The following BIRC6 variants were observed in gnomAD, a reference collection of about 807,000 sequenced individuals.
BIRC6 encodes the protein dual E2 ubiquitin-conjugating enzyme/E3 ubiquitin-protein ligase BIRC6.
BIRC6 carries 98 observed loss-of-function variants against 503.3 expected under a neutral mutation model. The ratio of observed to expected loss-of-function variants is 0.19; its 90% CI spans 0.17 to 0.23. The LOEUF is 0.23. Ranked by LOEUF, BIRC6 falls within the 10% of genes least tolerant of loss-of-function variation. The pLI is 1.00. For synonymous variants in BIRC6, 2,240 were observed against 2,078.7 expected (o/e 1.08, Z -2.11); for missense variants, 5,360 against 5,806.0 (o/e 0.92, Z 2.50).
At position 32,531,549 on chromosome 2, in the gene BIRC6, C is replaced by G. The variant is rs781080839; in HGVS notation, c.12289C>G (p.Gln4097Glu). 3 of 1,607,330 alleles carry G rather than the reference C, an allele frequency of 1.9e-6. No homozygotes were observed. The East Asian group carries it at 6.7e-5, about 36-fold the overall frequency. ...CATGCTATATCCAGAAGTAATTCAA[C>G]AGGTAAGATAAGATTTCCTAATCGA... is the stretch of plus-strand genomic sequence containing the variant. ...LPMLYPEVIQ[Q>E]VSAPVVTSTT... is the part of the protein sequence containing the mutation. Residue 4097 changes from glutamine to glutamate, a missense_variant and splice_region_variant, in exon 61 of 74, where the codon CAG (glutamine) becomes GAG (glutamate). By Grantham distance (29) the Gln-to-Glu change is conservative (BLOSUM62 2). Coordinates refer to ENST00000421745, the MANE Select transcript of BIRC6 (RefSeq NM_016252.4).
rs766899020 is a variant in BIRC6, at chr2:32,607,521, C to A, written c.14137C>A (p.Arg4713=). ...TTATTTTAATGAACCGGGATATGAA[C>A]GGTCTAGAGGCACTCCCAGTGGCAC... ...EPYFNEPGYE[R]SRGTPSGTQS... The change falls in exon 72 of 74, where the codon CGG becomes AGG. Residue 4713 remains arginine, a synonymous_variant. Coordinates refer to ENST00000421745, the MANE Select transcript of BIRC6 (RefSeq NM_016252.4). 1.4e-5 allele frequency: 22 copies of A among 1,612,128 alleles called. No homozygotes were observed. Among genetic ancestry groups the A allele is most frequent in the Non-Finnish European group, 1.8e-5 (21 of 1,178,874 alleles).
At chr2:32,504,077 T>TG (rs58131659) in intron 49 of BIRC6, among the ~76,000 whole-genome samples, 70 of 145,696 alleles carry the variant, frequency 4.8e-4, no homozygotes, top group African/African-American at 1.1e-3. Context: ...TGTGTGTGTG[T>TG]TTAGTAGAGA....
At chr2:32,605,576 A>G (rs1228784677) in intron 71 of BIRC6, among the ~76,000 whole-genome samples, 2 of 152,150 alleles carry the variant, frequency 1.3e-5, no homozygotes, top group African/African-American at 2.4e-5. Context: ...TAAATGTGAG[A>G]TGTCTGGCCG....
At chr2:32,613,384 T>A (rs962870415) in intron 73 of BIRC6, among the ~76,000 whole-genome samples, 1 of 151,704 alleles carries the variant, frequency 6.6e-6, no homozygotes, top group Non-Finnish European at 1.5e-5. Flanking sequence ...ATTTATTTTA[T>A]TTATTTATTT....
chr2:32,366,676 T>C (rs937351346), intron 1 of BIRC6, among the ~76,000 whole-genome samples: 17 of 152,160 alleles, frequency 1.1e-4, no homozygotes, highest in African/African-American at 4.1e-4. Flanking sequence ...AGGGTGCCTT[T>C]GGCAAGATAC....
intron 72 of BIRC6, among the ~76,000 whole-genome samples, chr2:32,609,405 C>T (rs1345894645): frequency 6.6e-6 from 1 of 152,030 alleles, no homozygotes; most frequent in Non-Finnish European, 1.5e-5. Flanking sequence ...AGCATCACAA[C>T]TTGCTGTGAT....
intron 61 of BIRC6, among the ~76,000 whole-genome samples, chr2:32,531,819 A>G (rs901655315): frequency 6.6e-6 from 1 of 152,218 alleles, no homozygotes; most frequent in African/African-American, 2.4e-5. Context: ...TAACACTAGC[A>G]TTCTCTTTTC....
intron 2 of BIRC6, chr2:32,379,206 A>C (rs1487609404): frequency 6.6e-6 from 1 of 152,192 alleles, no homozygotes; most frequent in Non-Finnish European, 1.5e-5. Flanking sequence ...AGGCATGTCT[A>C]AAATCTTTGG....
rs966514464 is a variant in BIRC6 at position 32,499,795 on chromosome 2, C to T, written c.8717C>T (p.Ala2906Val). 1.2e-6 allele frequency: 2 copies of T among 1,613,838 alleles called. No homozygotes were observed. The highest frequency in any genetic ancestry group is 2.7e-5 in the African/African-American group (2 of 74,932). The change falls in exon 46 of 74, where the codon GCA (alanine) becomes GTA (valine). Residue 2906 changes from alanine to valine, a missense_variant. Physicochemically the swap from Ala to Val is moderately conservative, Grantham distance 64. Transcript: ENST00000421745. Reference sequence around the variant, plus strand: ...GCCAATCTTATTCGTCCGGGTGATGCAAAAGCAGTTTGTGGCGAAATGACA... The same window carrying T: ...GCCAATCTTATTCGTCCGGGTGATGTAAAAGCAGTTTGTGGCGAAATGACA... ...LFANLIRPGD[A>V]KAVCGEMTRD...
At chr2:32,383,870 A>G (rs2038056018) in intron 3 of BIRC6, among the ~76,000 whole-genome samples, 1 of 152,170 alleles carries the variant, frequency 6.6e-6, no homozygotes, top group African/African-American at 2.4e-5. Context: ...CTTCATCTTT[A>G]CTATTGGACT....
chr2:32,500,675 G>A (rs1471063588), intron 46 of BIRC6, among the ~76,000 whole-genome samples: 2 of 139,910 alleles, frequency 1.4e-5, no homozygotes, highest in African/African-American at 5.3e-5. Flanking sequence ...GTGTGATCTC[G>A]GTTCATTGCA....
chr2:32,424,806 T>C (rs941962377), intron 10 of BIRC6, among the ~76,000 whole-genome samples: 8 of 152,088 alleles, frequency 5.3e-5, no homozygotes, highest in Non-Finnish European at 7.4e-5. Flanking sequence ...AGCCACCGCG[T>C]CTGGCCTATG....
At chr2:32,491,071 T>C (rs1572587573) in intron 43 of BIRC6, among the ~76,000 whole-genome samples, 4 of 152,198 alleles carry the variant, frequency 2.6e-5, no homozygotes, top group Admixed American at 2.6e-4. Flanking sequence ...GAAAACTTGA[T>C]TAAAGTTTAC....
At position 32,503,244 on chromosome 2, in the gene BIRC6, A is replaced by G. The variant is rs1241645641; in HGVS notation, c.9499+8A>G. The G allele has an allele frequency of 6.3e-7, 1 of 1,586,450 alleles. No homozygotes were observed. ...ATAACTTTGCACCCCTCGGTAAGAA[A>G]AGTGTTACTAAATCTTACTTATGTG... On this transcript the variant is annotated splice_region_variant and intron_variant, in intron 49 of 73. Transcript: ENST00000421745.
chr2:32,498,821 C>A (rs62136309), intron 45 of BIRC6, among the ~76,000 whole-genome samples: 3 of 152,140 alleles, frequency 2.0e-5, no homozygotes, highest in Admixed American at 6.6e-5. Flanking sequence ...CAAAAGTATT[C>A]TTTTGCCTTA....
At position 32,401,534 on chromosome 2, in the gene BIRC6, A is replaced by G; in HGVS notation, c.1329A>G (p.Pro443=). 1 of 1,613,990 alleles carries G rather than the reference A, an allele frequency of 6.2e-7. No individual in the cohort carries two copies. Among genetic ancestry groups the G allele is most frequent in the Non-Finnish European group, 8.5e-7 (1 of 1,179,878 alleles). Residue 443 remains proline, a synonymous_variant, in exon 8 of 74, where the codon CCA becomes CCG. Transcript: ENST00000421745. Reference sequence around the variant, plus strand: ...AACAGCTTATTCTATCAGGAGACCCAAGCTCAGGAGTTGATTCAAGGAGAC... The same window carrying G: ...AACAGCTTATTCTATCAGGAGACCCGAGCTCAGGAGTTGATTCAAGGAGAC... ...IVQQLILSGD[P]SSGVDSRRPT... is the part of the protein sequence containing the mutation.
At chr2:32,489,965 A>C (rs2051487858) in intron 42 of BIRC6, 76 bp from the exon 43 acceptor site, 2 of 1,029,178 alleles carry the variant, frequency 1.9e-6, no homozygotes, top group African/African-American at 3.2e-5. Flanking sequence ...CTTGTTTTTA[A>C]ATTTATTCTT....
intron 19 of BIRC6, among the ~76,000 whole-genome samples, chr2:32,443,018 G>T (rs1178870310): frequency 6.6e-6 from 1 of 152,030 alleles, no homozygotes; most frequent in Non-Finnish European, 1.5e-5. Flanking sequence ...TATAAACTAG[G>T]CATAGTAAGA....
In BIRC6 at chr2:32,389,602, G is replaced by A. The variant is rs551542300; in HGVS notation, c.839+659G>A. The stretch of plus-strand genomic sequence containing the variant: ...ATTTGCTATTTGAAATGACGATTGA[G>A]GTTCTTACAAAAAGTACCAAGGTTT... On this transcript the variant is annotated intron_variant, in intron 4 of 73. Coordinates refer to ENST00000421745, the MANE Select transcript of BIRC6 (RefSeq NM_016252.4). Among the ~76,000 whole-genome samples, 4 of 152,200 alleles carry A rather than the reference G, an allele frequency of 2.6e-5. No homozygotes were observed. In the South Asian group the frequency reaches 8.3e-4, roughly 32 times the overall value.
Sources: allele counts gnomAD v4.1 joint callset (sites outside exome capture counted in the v4.1 genomes callset), GRCh38; gene constraint gnomAD v4.1.1; transcripts MANE v1.5; gene names NCBI Gene and HGNC (gene_info 2026-07-23, HGNC 2026-07-21).